The following BRI3BP variants were observed in gnomAD, a reference collection of about 807,000 sequenced individuals.
BRI3BP encodes the protein BRI3 binding protein.
A neutral mutation model predicts 15.8 loss-of-function variants in BRI3BP; 7 were observed. The observed-to-expected ratio is 0.44, with a 90% CI of 0.25 to 0.83. The LOEUF (loss-of-function observed/expected upper bound fraction) is 0.83. Ranked by LOEUF, BRI3BP falls within the 40% of genes least tolerant of loss-of-function variation. The pLI is 0.20. For missense variants in BRI3BP, 320 were observed against 339.3 expected, an observed-to-expected ratio of 0.94 and a Z score of 0.45; for synonymous variants, 192 against 163.5, an observed-to-expected ratio of 1.17 and a Z score of -1.33.
In BRI3BP at chr12:125,026,128, C is replaced by G. The variant is rs1424943856; in HGVS notation, c.*698C>G. ...TTTCTAGAAGACCTGAGATTTTCTT[C>G]CCTCTGTGCTTCGATGTATTTTAAC... is the stretch of plus-strand genomic sequence containing the variant. On this transcript the variant is annotated 3_prime_UTR_variant, in exon 3 of 3. Coordinates refer to ENST00000341446, the MANE Select transcript of BRI3BP (RefSeq NM_080626.6). The G allele has an allele frequency of 1.3e-5, 2 of 152,124 alleles. No individual in the cohort carries two copies. Among genetic ancestry groups the G allele is most frequent in the African/African-American group, 4.8e-5 (2 of 41,434 alleles). The allele number at this position is 152,124 out of a possible 1,614,324, so 9.4% of individuals were successfully genotyped here.
chr12:125,023,797 C>T (rs974886155), intron 2 of BRI3BP, among the ~76,000 whole-genome samples: 19 of 152,188 alleles, frequency 1.2e-4, no homozygotes, highest in East Asian at 3.8e-4. Context: ...CGAGGCCAGG[C>T]GCAGTGGCTC....
At chr12:125,007,331 C>T (rs1274770959) in intron 1 of BRI3BP, among the ~76,000 whole-genome samples, 2 of 152,090 alleles carry the variant, frequency 1.3e-5, no homozygotes, top group African/African-American at 4.8e-5. Context: ...AGGCAGATCA[C>T]CTGAGGTTAG....
chr12:124,997,247 G>A (rs1052916521), intron 1 of BRI3BP, among the ~76,000 whole-genome samples: 2 of 41,996 alleles, frequency 4.8e-5, no homozygotes, highest in South Asian at 9.9e-4. Context: ...ATGCAGTCTC[G>A]CTTCTTCTCC....
At chr12:125,008,320 TTGA>T (rs1955165817) in intron 1 of BRI3BP, among the ~76,000 whole-genome samples, 1 of 115,186 alleles carries the variant, frequency 8.7e-6, no homozygotes. Flanking sequence ...TTTTTTTTTT[TTGA>T]TTTTTTTGAG....
downstream of BRI3BP, among the ~76,000 whole-genome samples, chr12:125,035,104 G>T (rs1020215870): frequency 2.0e-5 from 3 of 152,110 alleles, no homozygotes; most frequent in Non-Finnish European, 2.9e-5. Context: ...TGGACTTTTT[G>T]GTTGTTTCCT....
intron 2 of BRI3BP, among the ~76,000 whole-genome samples, chr12:125,016,519 AGGGGGTG>A (rs982255507): frequency 1.6e-5 from 1 of 61,058 alleles, no homozygotes; most frequent in Non-Finnish European, 3.3e-5. Context: ...TTTGGGGGGG[AGGGGGTG>A]GGGAGTGGGG....
In BRI3BP at chr12:125,025,141, G is replaced by A. The variant is rs758629831; in HGVS notation, c.467G>A (p.Arg156His). The A allele has an allele frequency of 1.9e-6, 3 of 1,614,048 alleles. No individual in the cohort carries two copies. Among genetic ancestry groups the A allele is most frequent in the Non-Finnish European group, 2.5e-6 (3 of 1,180,022 alleles). ...TFSVLHVVFG[R>H]FFWIVRVVLF... Reference sequence around the variant, plus strand: ...AGCGTCCTGCACGTGGTGTTCGGCCGCTTCTTCTGGATCGTGCGGGTCGTC... The same window carrying A: ...AGCGTCCTGCACGTGGTGTTCGGCCACTTCTTCTGGATCGTGCGGGTCGTC... The change falls in exon 3 of 3, where the codon CGC becomes CAC. Residue 156 changes from arginine (R) to histidine (H), a missense_variant. By Grantham distance (29) the Arg-to-His change is conservative. Coordinates refer to ENST00000341446, the MANE Select transcript of BRI3BP (RefSeq NM_080626.6).
intron 2 of BRI3BP, among the ~76,000 whole-genome samples, chr12:125,017,591 C>A (rs77464513): frequency 6.6e-6 from 1 of 152,138 alleles, no homozygotes; most frequent in Non-Finnish European, 1.5e-5. Flanking sequence ...ACACTTAGAG[C>A]GCACATCAGT....
At chr12:125,021,761 C>T (rs771513151) in intron 2 of BRI3BP, among the ~76,000 whole-genome samples, 2 of 152,096 alleles carry the variant, frequency 1.3e-5, no homozygotes, top group East Asian at 1.9e-4. Flanking sequence ...CATCAGATCT[C>T]GTGAGACTCA....
rs1385004212 is a variant in BRI3BP, at chr12:125,025,030, C to T, written c.356C>T (p.Ser119Phe). Residue 119 changes from serine (S) to phenylalanine (F), a missense_variant, in exon 3 of 3, where the codon TCC becomes TTC. Transcript: ENST00000341446. ...CAGTATTTCAGCCCAGCCTCGGTGT[C>T]CAGCAGCCCGGCCCGCGCGCTCCTG... ...LSQYFSPASV[S>F]SSPARALLLV... 1 of 1,613,242 alleles carries T rather than the reference C, an allele frequency of 6.2e-7. No homozygotes were observed. The highest frequency in any genetic ancestry group is 1.3e-5 in the African/African-American group (1 of 74,918).
chr12:124,999,686 C>T (rs1340861073), intron 1 of BRI3BP, among the ~76,000 whole-genome samples: 1 of 150,110 alleles, frequency 6.7e-6, no homozygotes. Context: ...GGCGCAATTT[C>T]GGCTCACTGC....
chr12:125,016,684 C>T (rs2135995926), intron 2 of BRI3BP, among the ~76,000 whole-genome samples: 1 of 151,864 alleles, frequency 6.6e-6, no homozygotes, highest in East Asian at 1.9e-4. Context: ...CACCACCACA[C>T]CCGGCTAATT....
At chr12:125,005,545 GA>G (rs1955134650) in intron 1 of BRI3BP, among the ~76,000 whole-genome samples, 1 of 152,070 alleles carries the variant, frequency 6.6e-6, no homozygotes, top group Non-Finnish European at 1.5e-5. Flanking sequence ...GAGGCGGGCA[GA>G]TCACTTGAGG....
chr12:125,026,256 A>G lies in BRI3BP; in HGVS notation c.*826A>G, dbSNP rs1486181522. ...AGGATTGGAGATTGCTCCAGAATCT[A>G]CTGCATGTCCCAATTTGCAGTTTGC... On this transcript the variant is annotated 3_prime_UTR_variant, in exon 3 of 3. Transcript: ENST00000341446. 1.3e-5 allele frequency: 2 copies of G among 152,010 alleles called. No homozygotes were observed. Among genetic ancestry groups the G allele is most frequent in the African/African-American group, 2.4e-5 (1 of 41,404 alleles). 9.4% of individuals were successfully genotyped at this position (152,010 alleles called of 1,614,324 possible). A position where few individuals can be genotyped will look rare whatever the true frequency, so the allele number is the denominator to read the frequency against.
chr12:125,014,666 G>A (rs1305222773), intron 2 of BRI3BP, among the ~76,000 whole-genome samples: 3 of 152,326 alleles, frequency 2.0e-5, no homozygotes, highest in Non-Finnish European at 2.9e-5. Flanking sequence ...GACTCCCAGA[G>A]GGAACGCAGG....
chr12:125,035,992 A>G (rs775293308), downstream of BRI3BP, among the ~76,000 whole-genome samples: 2 of 152,102 alleles, frequency 1.3e-5, no homozygotes, highest in African/African-American at 2.4e-5. Flanking sequence ...TCAATAGTCC[A>G]TGGTCAAATC....
chr12:125,025,055 G>A lies in BRI3BP; in HGVS notation c.381G>A (p.Leu127=), dbSNP rs201709552. The change falls in exon 3 of 3, where the codon CTG becomes CTA. Residue 127 remains leucine, a synonymous_variant. Coordinates refer to ENST00000341446, the MANE Select transcript of BRI3BP (RefSeq NM_080626.6). ...CCAGCAGCCCGGCCCGCGCGCTCCT[G>A]CTGGTCGGCGTCGTCCTCCTGGCCT... ...SVSSSPARAL[L]LVGVVLLAYW... is the part of the protein sequence containing the mutation. 2 of 1,613,534 alleles carry A rather than the reference G, an allele frequency of 1.2e-6. No homozygotes were observed. The highest frequency in any genetic ancestry group is 1.7e-6 in the Non-Finnish European group (2 of 1,180,014).
At position 125,025,054 on chromosome 12, in the gene BRI3BP, T is replaced by G; in HGVS notation, c.380T>G (p.Leu127Arg). The change falls in exon 3 of 3, where the codon CTG (leucine) becomes CGG (arginine). Residue 127 changes from leucine to arginine, a missense_variant. Transcript: ENST00000341446. ...SVSSSPARAL[L>R]LVGVVLLAYW... ...TCCAGCAGCCCGGCCCGCGCGCTCCTGCTGGTCGGCGTCGTCCTCCTGGCC... is the reference window on the plus strand; with the variant it reads ...TCCAGCAGCCCGGCCCGCGCGCTCCGGCTGGTCGGCGTCGTCCTCCTGGCC... The G allele has an allele frequency of 6.2e-7, 1 of 1,613,610 alleles. No homozygotes were observed. Among genetic ancestry groups the G allele is most frequent in the South Asian group, 1.1e-5 (1 of 91,084 alleles).
In BRI3BP at chr12:125,012,539, G is replaced by A. The variant is rs752588871; in HGVS notation, c.219G>A (p.Leu73=). 21 of 1,607,116 alleles carry A rather than the reference G, an allele frequency of 1.3e-5. No homozygotes were observed. The highest frequency in any genetic ancestry group is 1.7e-5 in the Non-Finnish European group (20 of 1,173,796). Reference sequence around the variant, plus strand: ...CCGTTTTCTTGTTTCTGCAGTTCTTGGCCAGGCTGACTGAGAGATTTGTGC... The same window carrying A: ...CCGTTTTCTTGTTTCTGCAGTTCTTAGCCAGGCTGACTGAGAGATTTGTGC... ...EDNVRAAQKF[L]ARLTERFVLG... Residue 73 remains leucine, a synonymous_variant, in exon 2 of 3, where the codon TTG becomes TTA. Transcript: ENST00000341446.
Sources: gnomAD v4.1 joint callset for allele counts (sites outside exome capture counted in the v4.1 genomes callset) on GRCh38, gnomAD v4.1.1 for gene constraint, MANE v1.5 for transcripts, NCBI Gene and HGNC (gene_info 2026-07-23, HGNC 2026-07-21) for gene names.